AFF4: variants seen among roughly 807,000 people sequenced by gnomAD.
AFF4 encodes AF4/FMR2 family member 4.
In AFF4, 13 loss-of-function variants were observed where a neutral mutation model predicts 124.8. The ratio of observed to expected loss-of-function variants is 0.10; its 90% CI spans 0.07 to 0.17. The LOEUF is 0.17. Ranked by LOEUF, AFF4 falls within the 10% of genes least tolerant of loss-of-function variation. The probability of loss-of-function intolerance (pLI) is 1.00; values close to 1 mark genes in which losing one functional copy is unlikely to be tolerated. For synonymous variants in AFF4, 477 were observed against 496.1 expected (o/e 0.96, Z 0.51); for missense variants, 1,092 against 1,403.8 (o/e 0.78, Z 3.55).
intron 1 of AFF4, among the ~76,000 whole-genome samples, chr5:132,959,900 G>A (rs1370231000): frequency 4.0e-5 from 6 of 151,652 alleles, no homozygotes; most frequent in Non-Finnish European, 8.8e-5. Flanking sequence ...AAGTAGCTGG[G>A]ACTACAGGCG....
At chr5:132,917,712 T>C (rs1444727341) in intron 5 of AFF4, among the ~76,000 whole-genome samples, 27 of 133,226 alleles carry the variant, frequency 2.0e-4, no homozygotes, top group African/African-American at 6.0e-4. Flanking sequence ...TTTCTTTTTT[T>C]TTTTTTTTTT....
intron 5 of AFF4, among the ~76,000 whole-genome samples, chr5:132,923,371 GGAGA>G (rs72156570): frequency 0.48 from 71,366 of 148,240 alleles, 17,170 homozygotes; most frequent in East Asian, 0.7. Context: ...AGGAAAGAAA[GGAGA>G]GAGAGAGAGA....
Position 132,934,453 on chromosome 5 carries a change from G to A in AFF4, c.612C>T (p.Ser204=), listed in dbSNP as rs769658609. 2 of 1,614,138 alleles carry A rather than the reference G, an allele frequency of 1.2e-6. No homozygotes were observed. The highest frequency in any genetic ancestry group is 2.2e-5 in the South Asian group (2 of 91,086). Reference sequence around the variant, plus strand: ...GTGATTTGGAGCGTTGATGTTCCTTGCTATGGTGATCATTCCCATGAGACC... The same window carrying A: ...GTGATTTGGAGCGTTGATGTTCCTTACTATGGTGATCATTCCCATGAGACC... ...HSRSHGNDHH[S]KEHQRSKSPR... The change falls in exon 3 of 21, where the codon AGC becomes AGT. Residue 204 remains serine (S), a synonymous_variant. Coordinates refer to ENST00000265343, the MANE Select transcript of AFF4 (RefSeq NM_014423.4).
chr5:132,935,757 C>T (rs1761412033), intron 2 of AFF4, among the ~76,000 whole-genome samples: 3 of 144,276 alleles, frequency 2.1e-5, no homozygotes, highest in Admixed American at 6.9e-5. Context: ...ACTCCATCTC[C>T]GAAAAAAAAA....
chr5:132,925,780 G>T (rs77095827), intron 5 of AFF4, among the ~76,000 whole-genome samples: 1 of 152,194 alleles, frequency 6.6e-6, no homozygotes, highest in South Asian at 2.1e-4. Flanking sequence ...GAAACAACAG[G>T]TAATACAAGT....
chr5:132,922,049 T>C (rs1761060344), intron 5 of AFF4, among the ~76,000 whole-genome samples: 2 of 152,088 alleles, frequency 1.3e-5, no homozygotes, highest in African/African-American at 2.4e-5. Flanking sequence ...CCTCTCAAAG[T>C]ACTAGGACTA....
intron 1 of AFF4, among the ~76,000 whole-genome samples, chr5:132,951,085 C>T (rs1248201471): frequency 1.3e-5 from 2 of 152,032 alleles, no homozygotes; most frequent in Non-Finnish European, 1.5e-5. Flanking sequence ...ATTAGCCAGG[C>T]GTGGTGGTGC....
chr5:132,954,331 T>G (rs1581338414), intron 1 of AFF4, among the ~76,000 whole-genome samples: 1 of 152,198 alleles, frequency 6.6e-6, no homozygotes, highest in African/African-American at 2.4e-5. Flanking sequence ...ACGGCAGAGT[T>G]CCCTCGACCC....
intron 1 of AFF4, among the ~76,000 whole-genome samples, chr5:132,953,401 T>A (rs1761886729): frequency 6.6e-6 from 1 of 151,768 alleles, no homozygotes; most frequent in South Asian, 2.1e-4. Flanking sequence ...ACACCACACC[T>A]GGGTAATTTT....
chr5:132,932,087 T>A, intron 4 of AFF4, 91 bp downstream of exon 4: 1 of 802,282 alleles, frequency 1.2e-6, no homozygotes, highest in East Asian at 3.0e-5. Context: ...TTGCTTCAGA[T>A]CCTTTGTGAA....
intron 6 of AFF4, 41 bp from the exon 7 acceptor site, chr5:132,902,528 A>AT (rs1387528133): frequency 1.4e-6 from 2 of 1,407,046 alleles, no homozygotes; most frequent in African/African-American, 2.8e-5. Context: ...AAGGATGGCT[A>AT]TTTAGACTGT....
chr5:132,958,483 A>AG (rs994497539), intron 1 of AFF4, among the ~76,000 whole-genome samples: 4 of 150,772 alleles, frequency 2.7e-5, no homozygotes, highest in African/African-American at 9.7e-5. Flanking sequence ...AAAAAAAAAA[A>AG]AAAAAAGGAG....
rs759259734 is a variant in AFF4 at position 132,937,273 on chromosome 5, C to A, written c.-4-80G>T. ...TTCTGTACAGATTTTGTCAGCTTAA[C>A]ACTTCAATCACAGATTCCCTTTTGA... On this transcript the variant is annotated intron_variant, in intron 1 of 20. Coordinates refer to ENST00000265343, the MANE Select transcript of AFF4 (RefSeq NM_014423.4). The A allele has an allele frequency of 3.2e-4, 451 of 1,429,588 alleles. 1 individual carries two copies. Among genetic ancestry groups the A allele is most frequent in the Admixed American group, 4.9e-5 (2 of 40,466 alleles). The allele number at this position is 1,429,588 out of a possible 1,614,324, so 88.6% of individuals were successfully genotyped here.
rs1363378685 is a variant in AFF4, at chr5:132,896,455, T to C, written c.2175A>G (p.Arg725=). 12 of 1,614,222 alleles carry C rather than the reference T, an allele frequency of 7.4e-6. No individual in the cohort carries two copies. The highest frequency in any genetic ancestry group is 1.1e-5 in the South Asian group (1 of 91,090). ...TTTCTTTGTAAGGCTTTCCTGGTATTCTAGTCAAAAGATTCAGGTCAATCT... is the reference window on the plus strand; with the variant it reads ...TTTCTTTGTAAGGCTTTCCTGGTATCCTAGTCAAAAGATTCAGGTCAATCT... ...IVKIDLNLLT[R]IPGKPYKETE... is the part of the protein sequence containing the mutation. Residue 725 remains arginine (R), a synonymous_variant, in exon 11 of 21, where the codon AGA becomes AGG. Coordinates refer to ENST00000265343, the MANE Select transcript of AFF4 (RefSeq NM_014423.4).
At chr5:132,901,205 T>G in intron 7 of AFF4, 1 of 959,298 alleles carries the variant, frequency 1.0e-6, no homozygotes, top group Non-Finnish European at 1.2e-6. Flanking sequence ...TGAACTTGTT[T>G]ACACATGTGA....
intron 1 of AFF4, among the ~76,000 whole-genome samples, chr5:132,939,889 C>A (rs1452816745): frequency 6.6e-6 from 1 of 151,870 alleles, no homozygotes; most frequent in Admixed American, 6.6e-5. Flanking sequence ...GCTGGGATTA[C>A]AGGCATGAGC....
Position 132,876,993 on chromosome 5 carries a change from T to C in AFF4, c.*4066A>G, listed in dbSNP as rs917515165. 5.1e-6 allele frequency: 1 copy of C among 197,932 alleles called. No homozygotes were observed. The highest frequency in any genetic ancestry group is 1.0e-5 in the Non-Finnish European group (1 of 95,370). The allele number at this position is 197,932 out of a possible 1,614,324, so 12.3% of individuals were successfully genotyped here. On this transcript the variant is annotated 3_prime_UTR_variant, in exon 21 of 21. Transcript: ENST00000265343. ...TAGCAACCTTAGATGTACAGTATTA[T>C]TACTGGAAAAAAAGCCTGCCTCTTC...
At chr5:132,928,630 C>A (rs1761234241) in intron 4 of AFF4, among the ~76,000 whole-genome samples, 1 of 152,192 alleles carries the variant, frequency 6.6e-6, no homozygotes. Flanking sequence ...TTGACACCAA[C>A]ACAGTACTGA....
chr5:132,938,469 T>C (rs1377361237), intron 1 of AFF4, among the ~76,000 whole-genome samples: 1 of 151,744 alleles, frequency 6.6e-6, no homozygotes, highest in East Asian at 2.0e-4. Flanking sequence ...TTTCACCATG[T>C]TGGCCAGGCC....
Sources: allele counts gnomAD v4.1 joint callset (sites outside exome capture counted in the v4.1 genomes callset), GRCh38; gene constraint gnomAD v4.1.1; transcripts MANE v1.5; gene names NCBI Gene and HGNC (gene_info 2026-07-23, HGNC 2026-07-21).